LGR4: variants seen among roughly 807,000 people sequenced by gnomAD.
The protein encoded by LGR4 is leucine rich repeat containing G protein-coupled receptor 4, also known as leucine-rich repeat-containing G protein-coupled receptor 4.
In LGR4, 44 loss-of-function variants were observed where a neutral mutation model predicts 84.8. The observed-to-expected ratio is 0.52, with a 90% confidence interval of 0.41 to 0.67. The LOEUF is 0.67. LGR4 is among the 30% of genes least tolerant of loss of function. The pLI is 0.00. For missense variants in LGR4, 1,032 were observed against 1,131.4 expected (o/e 0.91, Z 1.26); for synonymous variants, 429 against 434.3 (o/e 0.99, Z 0.15).
intron 1 of LGR4, among the ~76,000 whole-genome samples, chr11:27,424,632 AAAG>A (rs1329211212): frequency 2.0e-5 from 3 of 152,176 alleles, no homozygotes; most frequent in Admixed American, 2.0e-4. Flanking sequence ...CTCATCACAG[AAAG>A]AAGGCCACAT....
intron 4 of LGR4, 55 bp from the exon 5 acceptor site, chr11:27,385,523 G>T: frequency 1.8e-6 from 2 of 1,141,540 alleles, no homozygotes; most frequent in Non-Finnish European, 2.5e-6. Flanking sequence ...AAATGAGTCA[G>T]TTCAAGTCTC....
intron 1 of LGR4, among the ~76,000 whole-genome samples, chr11:27,450,093 A>G (rs1864456728): frequency 6.6e-6 from 1 of 152,230 alleles, no homozygotes; most frequent in South Asian, 2.1e-4. Flanking sequence ...TAGTATTTTT[A>G]TTGTATAATA....
chr11:27,406,927 G>A (rs1190076624), intron 2 of LGR4, among the ~76,000 whole-genome samples: 3 of 152,122 alleles, frequency 2.0e-5, no homozygotes, highest in Non-Finnish European at 4.4e-5. Flanking sequence ...GAAGCAAAGG[G>A]AATTCCTTGT....
rs187554936 is a variant in LGR4 at position 27,471,981 on chromosome 11, A to C, written c.185+137T>G. 3,387 of 511,034 alleles carry C rather than the reference A, an allele frequency of 6.6e-3. 103 individuals are homozygous for C. The highest frequency in any genetic ancestry group is 0.063 in the African/African-American group (3,128 of 49,480). 31.7% of individuals were successfully genotyped at this position (511,034 alleles called of 1,614,324 possible). A position where few individuals can be genotyped will look rare whatever the true frequency, so the allele number is the denominator to read the frequency against. On this transcript the variant is annotated intron_variant, in intron 1 of 17. Transcript: ENST00000379214. ...GTGCCAGGCAGCCCGCACGCAGGTGACCGGCGGACCCCCTCCCCAGGCCCG... is the reference window on the plus strand; with the variant it reads ...GTGCCAGGCAGCCCGCACGCAGGTGCCCGGCGGACCCCCTCCCCAGGCCCG...
intron 1 of LGR4, among the ~76,000 whole-genome samples, chr11:27,454,687 G>A (rs1454369109): frequency 6.6e-6 from 1 of 151,862 alleles, no homozygotes; most frequent in Admixed American, 6.6e-5. Flanking sequence ...CTTGAACCAG[G>A]GCGGTGGTGG....
chr11:27,389,860 C>T (rs561851234), intron 4 of LGR4, among the ~76,000 whole-genome samples: 5 of 152,226 alleles, frequency 3.3e-5, no homozygotes, highest in Admixed American at 3.3e-4. Flanking sequence ...TTTTAAGAGT[C>T]TACCTAGAAC....
chr11:27,452,179 C>T (rs1373303663), intron 1 of LGR4, among the ~76,000 whole-genome samples: 1 of 152,144 alleles, frequency 6.6e-6, no homozygotes, highest in Non-Finnish European at 1.5e-5. Context: ...TCAGTTTCCT[C>T]ATCTTCTTTA....
chr11:27,374,574 G>A (rs1291816038), intron 13 of LGR4, among the ~76,000 whole-genome samples: 1 of 152,080 alleles, frequency 6.6e-6, no homozygotes, highest in Non-Finnish European at 1.5e-5. Flanking sequence ...CCGTATTCAG[G>A]AACACACCCT....
intron 2 of LGR4, among the ~76,000 whole-genome samples, chr11:27,399,443 C>G (rs971801924): frequency 6.6e-6 from 1 of 152,100 alleles, no homozygotes; most frequent in African/African-American, 2.4e-5. Context: ...AGGCATTTAA[C>G]AGGATGTGAG....
At chr11:27,402,496 G>A (rs1863522811) in intron 2 of LGR4, among the ~76,000 whole-genome samples, 1 of 152,166 alleles carries the variant, frequency 6.6e-6, no homozygotes, top group African/African-American at 2.4e-5. Context: ...ACCTTGTCAT[G>A]TAAGATAATA....
intron 1 of LGR4, among the ~76,000 whole-genome samples, chr11:27,427,132 CA>C (rs1864036369): frequency 6.6e-6 from 1 of 152,018 alleles, no homozygotes; most frequent in Non-Finnish European, 1.5e-5. Flanking sequence ...TAAAATGAGG[CA>C]AAATTTATAA....
chr11:27,427,548 T>A (rs184444059), intron 1 of LGR4, among the ~76,000 whole-genome samples: 1 of 152,228 alleles, frequency 6.6e-6, no homozygotes, highest in East Asian at 1.9e-4. Flanking sequence ...AATACAGAGT[T>A]TGAGAATGGA....
In LGR4 at chr11:27,378,891, C is replaced by G. The variant is rs1394575170; in HGVS notation, c.972-123G>C. On this transcript the variant is annotated intron_variant, in intron 10 of 17. Transcript: ENST00000379214. ...GACTAGATTCTATACATCCCATGGC[C>G]TAATTATTCCATAAAGTTAGACATG... is the stretch of plus-strand genomic sequence containing the variant. 6 of 646,890 alleles carry G rather than the reference C, an allele frequency of 9.3e-6. No individual in the cohort carries two copies. In the Admixed American group the frequency reaches 1.2e-4, roughly 13 times the overall value. 40.1% of individuals were successfully genotyped at this position (646,890 alleles called of 1,614,324 possible). A position where few individuals can be genotyped will look rare whatever the true frequency, so the allele number is the denominator to read the frequency against.
At position 27,378,740 on chromosome 11, in the gene LGR4, T is replaced by G. The variant is rs1212652633; in HGVS notation, c.1000A>C (p.Ile334Leu). The G allele has an allele frequency of 3.7e-6, 6 of 1,612,464 alleles. No individual in the cohort carries two copies. Among genetic ancestry groups the G allele is most frequent in the Non-Finnish European group, 5.1e-6 (6 of 1,179,088 alleles). ...TGTTCTTGACACAAATTATTAGGTA[T>G]GCTGCTTATCTTTGTACCTGTCAAA... ...LTLTGTKISS[I>L]PNNLCQEQKM... Residue 334 changes from isoleucine (I) to leucine (L), a missense_variant, in exon 11 of 18, where the codon ATA becomes CTA. Ile to Leu is a conservative substitution (Grantham distance 5). Transcript: ENST00000379214.
chr11:27,384,560 A>G (rs1863152739), intron 5 of LGR4, among the ~76,000 whole-genome samples, 153 bp from the exon 6 acceptor site: 1 of 152,200 alleles, frequency 6.6e-6, no homozygotes, highest in Non-Finnish European at 1.5e-5. Context: ...ACCACAGAAA[A>G]CAAGTGACAT....
At chr11:27,401,894 C>T (rs933812531) in intron 2 of LGR4, among the ~76,000 whole-genome samples, 1 of 151,956 alleles carries the variant, frequency 6.6e-6, no homozygotes, top group Non-Finnish European at 1.5e-5. Context: ...ACTTGAAGCA[C>T]GAAATAACAA....
intron 1 of LGR4, among the ~76,000 whole-genome samples, chr11:27,427,607 A>G (rs1223368791): frequency 6.6e-6 from 1 of 152,234 alleles, no homozygotes; most frequent in African/African-American, 2.4e-5. Flanking sequence ...AGGTTGCTTT[A>G]CAAAGAAATT....
At chr11:27,413,446 C>T (rs771829828) in intron 1 of LGR4, among the ~76,000 whole-genome samples, 19 of 152,006 alleles carry the variant, frequency 1.2e-4, no homozygotes, top group African/African-American at 2.4e-4. Context: ...TAAGAGCGTC[C>T]GCAGAAAGAA....
chr11:27,440,849 C>CA (rs2133431969), intron 1 of LGR4, among the ~76,000 whole-genome samples: 1 of 152,292 alleles, frequency 6.6e-6, no homozygotes, highest in South Asian at 2.1e-4. Context: ...ACTGGGCCCC[C>CA]ACCCAGGTCG....
Sources: gnomAD v4.1 joint callset for allele counts (sites outside exome capture counted in the v4.1 genomes callset) on GRCh38, gnomAD v4.1.1 for gene constraint, MANE v1.5 for transcripts, NCBI Gene and HGNC (gene_info 2026-07-23, HGNC 2026-07-21) for gene names.